FAT1: variants seen among roughly 807,000 people sequenced by gnomAD.
The protein encoded by FAT1 is FAT atypical cadherin 1.
In FAT1, 171 loss-of-function variants were observed where a neutral mutation model predicts 329.8. The ratio of observed to expected loss-of-function variants is 0.52; its 90% CI spans 0.46 to 0.59. The LOEUF (loss-of-function observed/expected upper bound fraction) is 0.59, where lower values mean the gene tolerates loss of function less well. Among genes scored for constraint, FAT1 ranks in the 20% least tolerant of loss-of-function variants. The pLI, the probability that FAT1 is intolerant of heterozygous loss-of-function variation, is 0.00. For missense variants in FAT1, 5,672 were observed against 5,774.4 expected, an observed-to-expected ratio of 0.98 and a Z score of 0.57; for synonymous variants, 2,233 against 2,228.6, an observed-to-expected ratio of 1.00 and a Z score of -0.06.
chr4:186,623,599 C>T (rs976677241), intron 9 of FAT1, among the ~76,000 whole-genome samples: 9 of 152,258 alleles, frequency 5.9e-5, no homozygotes, highest in African/African-American at 1.7e-4. Flanking sequence ...TGTGGAGGAA[C>T]GAAGAGACTA....
chr4:186,596,765 T>G lies in FAT1; in HGVS notation c.12775A>C (p.Ser4259Arg). ...VPVRPISYTP[S>R]IPSDSRNNLD... is the part of the protein sequence containing the mutation. ...TTGTTTCTTGAGTCACTTGGAATACTCGGGGTGTAGGAAATAGGCCGGACA... is the reference window on the plus strand; with the variant it reads ...TTGTTTCTTGAGTCACTTGGAATACGCGGGGTGTAGGAAATAGGCCGGACA... Residue 4259 changes from serine (S) to arginine (R), a missense_variant, in exon 25 of 27, where the codon AGT (serine) becomes CGT (arginine). Transcript: ENST00000441802. This position sits in a 1 kb window ranked among gnomAD's most constrained non-coding sequence, Gnocchi z 4.7. The G allele has an allele frequency of 2.5e-6, 4 of 1,614,032 alleles. No individual in the cohort carries two copies. In the South Asian group the frequency reaches 4.4e-5, roughly 18 times the overall value.
At chr4:186,656,632 TG>T (rs1193297928) in intron 3 of FAT1, among the ~76,000 whole-genome samples, 2 of 152,114 alleles carry the variant, frequency 1.3e-5, no homozygotes, top group Non-Finnish European at 2.9e-5. Context: ...GAATGGTACC[TG>T]GGGAAGGAGG....
At position 186,708,904 on chromosome 4, in the gene FAT1, G is replaced by A. The variant is rs1744796046; in HGVS notation, c.924C>T (p.Ser308=). 1 of 1,613,948 alleles carries A rather than the reference G, an allele frequency of 6.2e-7. No individual in the cohort carries two copies. The highest frequency in any genetic ancestry group is 1.1e-5 in the South Asian group (1 of 91,072). The change falls in exon 2 of 27, where the codon TCC becomes TCT. Residue 308 remains serine, a synonymous_variant. Coordinates refer to ENST00000441802, the MANE Select transcript of FAT1 (RefSeq NM_005245.4). ...CTTTATACTCCTTACTCCCTGGAAAGGACCTCACTGTTCTAAACTGCTGGA... is the reference window on the plus strand; with the variant it reads ...CTTTATACTCCTTACTCCCTGGAAAAGACCTCACTGTTCTAAACTGCTGGA... ...DLLQQFRTVR[S]FPGSKEYKVK... is the part of the protein sequence containing the mutation.
Position 186,618,720 on chromosome 4 carries a change from A to G in FAT1, c.7866T>C (p.Asp2622=). Residue 2622 remains aspartate (D), a synonymous_variant, in exon 10 of 27, where the codon GAT becomes GAC. Transcript: ENST00000441802. ...TGTCGGCATTGGAGCCCTCATCGGC[A>G]TCACTTGCAAGAACTTTAACGACTG... ...GTSVVKVLAS[D]ADEGSNADIT... The G allele has an allele frequency of 6.2e-7, 1 of 1,614,036 alleles. No individual in the cohort carries two copies. The highest frequency in any genetic ancestry group is 1.1e-5 in the South Asian group (1 of 91,082).
At position 186,708,796 on chromosome 4, in the gene FAT1, C is replaced by G. The variant is rs372382696; in HGVS notation, c.1032G>C (p.Pro344=). The change falls in exon 2 of 27, where the codon CCG becomes CCC. Residue 344 remains proline (P), a synonymous_variant. Transcript: ENST00000441802. ...LTLQAKDKGT[P]PQFSSVKVIH... is the part of the protein sequence containing the mutation. ...TGACTTTAACAGAAGAGAACTGGGG[C>G]GGAGTTCCTTTATCTTTAGCCTGTA... 1 of 1,613,922 alleles carries G rather than the reference C, an allele frequency of 6.2e-7. No homozygotes were observed. Among genetic ancestry groups the G allele is most frequent in the Non-Finnish European group, 8.5e-7 (1 of 1,179,870 alleles).
chr4:186,616,935 T>C, intron 11 of FAT1, 70 bp downstream of exon 11: 1 of 1,381,448 alleles, frequency 7.2e-7, no homozygotes, highest in Non-Finnish European at 1.0e-6. Context: ...CAGCGCCAAA[T>C]GATGGTCCCA....
Position 186,706,864 on chromosome 4 carries a change from C to T in FAT1, c.2964G>A (p.Gln988=), listed in dbSNP as rs2126683669. Residue 988 remains glutamine (Q), a synonymous_variant, in exon 2 of 27, where the codon CAG becomes CAA. Transcript: ENST00000441802. ...ACACTTGCTTCTTCTCAAAGTCCAACTGCTGGACGATCCTAACTGCTCCAC... is the reference window on the plus strand; with the variant it reads ...ACACTTGCTTCTTCTCAAAGTCCAATTGCTGGACGATCCTAACTGCTCCAC... The part of the protein sequence containing the change: ...KLSGAVRIVQ[Q]LDFEKKQVYN... 1.2e-6 allele frequency: 2 copies of T among 1,614,000 alleles called. No homozygotes were observed. The highest frequency in any genetic ancestry group is 1.7e-6 in the Non-Finnish European group (2 of 1,179,894).
At chr4:186,636,382 G>A in intron 5 of FAT1, 147 bp from the exon 6 acceptor site, 1 of 876,044 alleles carries the variant, frequency 1.1e-6, no homozygotes, top group East Asian at 2.6e-5. Flanking sequence ...CCTGACAGAA[G>A]AACAATGATT....
At chr4:186,638,291 T>C (rs955175975) in intron 4 of FAT1, among the ~76,000 whole-genome samples, 3 of 152,208 alleles carry the variant, frequency 2.0e-5, no homozygotes, top group African/African-American at 4.8e-5. Context: ...GCCTTTGATA[T>C]TCACGGAGAA....
chr4:186,674,422 A>G (rs1247569900), intron 2 of FAT1, among the ~76,000 whole-genome samples: 1 of 152,210 alleles, frequency 6.6e-6, no homozygotes, highest in East Asian at 1.9e-4. Flanking sequence ...CAGAGTCCAC[A>G]CATAAAACCA....
chr4:186,655,486 G>A (rs1741860542), intron 3 of FAT1, among the ~76,000 whole-genome samples: 1 of 151,582 alleles, frequency 6.6e-6, no homozygotes, highest in Non-Finnish European at 1.5e-5. Context: ...CTAGGTTGGA[G>A]TGCAGTGGAG....
chr4:186,610,060 A>G (rs1178852634), intron 14 of FAT1, 45 bp from the exon 15 acceptor site: 1 of 1,171,202 alleles, frequency 8.5e-7, no homozygotes, highest in South Asian at 1.3e-5. Context: ...CAATGCCACC[A>G]CATTTTCCCA....
rs1205433740 is a variant in FAT1, at chr4:186,603,685, A to G, written c.10841T>C (p.Val3614Ala). 1 of 1,614,030 alleles carries G rather than the reference A, an allele frequency of 6.2e-7. No homozygotes were observed. Among genetic ancestry groups the G allele is most frequent in the Non-Finnish European group, 8.5e-7 (1 of 1,179,892 alleles). Residue 3614 changes from valine (V) to alanine (A), a missense_variant, in exon 19 of 27, where the codon GTC becomes GCC. Coordinates refer to ENST00000441802, the MANE Select transcript of FAT1 (RefSeq NM_005245.4). ...CGTGAACTTCCCATCTGTTACGCTG[A>G]CATTGAGAAGGTATTGCCCTATGTC... Reference protein sequence around the residue: ...KLDIGQYLLNVSVTDGKFTTV... With the variant: ...KLDIGQYLLNASVTDGKFTTV...
At chr4:186,610,160 A>G (rs1739335694) in intron 14 of FAT1, 145 bp from the exon 15 acceptor site, 1 of 589,132 alleles carries the variant, frequency 1.7e-6, no homozygotes, top group Non-Finnish European at 3.0e-6. Flanking sequence ...CTATTTTCTT[A>G]ATTCAACAAT....
At position 186,708,828 on chromosome 4, in the gene FAT1, G is replaced by C. The variant is rs1369324109; in HGVS notation, c.1000C>G (p.Leu334Val). 6.2e-7 allele frequency: 1 copy of C among 1,613,990 alleles called. No individual in the cohort carries two copies. Among genetic ancestry groups the C allele is most frequent in the Non-Finnish European group, 8.5e-7 (1 of 1,179,894 alleles). The change falls in exon 2 of 27, where the codon CTC (leucine) becomes GTC (valine). Residue 334 changes from leucine to valine, a missense_variant. Physicochemically the swap from Leu to Val is conservative, Grantham distance 32. Coordinates refer to ENST00000441802, the MANE Select transcript of FAT1 (RefSeq NM_005245.4). The part of the protein sequence containing the change: ...DWDSHPFGYN[L>V]TLQAKDKGTP... ...CCTTTATCTTTAGCCTGTAGTGTGAGATTGTAGCCGAAAGGATGACTGTCC... is the reference window on the plus strand; with the variant it reads ...CCTTTATCTTTAGCCTGTAGTGTGACATTGTAGCCGAAAGGATGACTGTCC...
chr4:186,612,128 T>TA (rs1203616327), intron 13 of FAT1, among the ~76,000 whole-genome samples: 86 of 144,746 alleles, frequency 5.9e-4, no homozygotes, highest in Admixed American at 2.7e-3. Flanking sequence ...TTTTTTTTTT[T>TA]TAAAAACCAA....
At chr4:186,667,567 T>C (rs1002729707) in intron 2 of FAT1, among the ~76,000 whole-genome samples, 10 of 152,204 alleles carry the variant, frequency 6.6e-5, no homozygotes, top group Non-Finnish European at 1.5e-4. Context: ...AAAAAATCAC[T>C]GAATACAACT....
chr4:186,660,176 T>C (rs1026780527), intron 3 of FAT1, among the ~76,000 whole-genome samples: 35 of 152,108 alleles, frequency 2.3e-4, no homozygotes, highest in African/African-American at 8.5e-4. Flanking sequence ...CCAAGCACTA[T>C]TTCCTACCGG....
chr4:186,699,235 A>G (rs933443550), intron 2 of FAT1, among the ~76,000 whole-genome samples: 1 of 152,222 alleles, frequency 6.6e-6, no homozygotes, highest in Admixed American at 6.5e-5. Flanking sequence ...AGCAGTCTTC[A>G]GAAACTACAT....
Sources: gnomAD v4.1 joint callset for allele counts (sites outside exome capture counted in the v4.1 genomes callset) on GRCh38, gnomAD v4.1.1 for gene constraint, Gnocchi (gnomAD v3.1) non-coding constraint, MANE v1.5 for transcripts, NCBI Gene and HGNC (gene_info 2026-07-23, HGNC 2026-07-21) for gene names.